YAP1: variants seen among roughly 807,000 people sequenced by gnomAD.
YAP1 encodes Yes1 associated transcriptional regulator.
Under a neutral mutation model 56.9 loss-of-function variants are expected in YAP1, and 5 were observed. The ratio of observed to expected loss-of-function variants is 0.09; its 90% CI spans 0.05 to 0.18. The LOEUF (loss-of-function observed/expected upper bound fraction) is 0.18, where lower values mean the gene tolerates loss of function less well. Among genes scored for constraint, YAP1 ranks in the 10% least tolerant of loss-of-function variants. The pLI is 1.00. For synonymous variants in YAP1, 265 were observed against 248.1 expected (o/e 1.07, Z -0.64); for missense variants, 539 against 651.8 (o/e 0.83, Z 1.88).
intron 2 of YAP1, among the ~76,000 whole-genome samples, chr11:102,149,052 A>G (rs1346986225): frequency 1.3e-5 from 2 of 152,068 alleles, no homozygotes; most frequent in African/African-American, 2.4e-5. Context: ...ATGTGTTGCT[A>G]TGTAGTTTTT....
intron 4 of YAP1, among the ~76,000 whole-genome samples, chr11:102,190,943 G>A (rs764069653): frequency 2.6e-5 from 4 of 151,688 alleles, no homozygotes; most frequent in South Asian, 2.1e-4. Flanking sequence ...CTCAAAAGCC[G>A]AGGCTGATGG....
intron 2 of YAP1, among the ~76,000 whole-genome samples, chr11:102,120,925 T>TA (rs1943609183): frequency 6.6e-6 from 1 of 152,230 alleles, no homozygotes; most frequent in Non-Finnish European, 1.5e-5. Flanking sequence ...AAAAAGTACA[T>TA]ACGCTGCCAC....
Position 102,174,339 on chromosome 11 carries a change from C to T in YAP1, c.689-11679C>T, listed in dbSNP as rs557093509. ...ACAGGCCGGGTGTGGTGGCTGATCA[C>T]GCCACTCCCAGCACTTTGGGAGGCC... On this transcript the variant is annotated intron_variant, in intron 3 of 8. Coordinates refer to ENST00000282441, the MANE Select transcript of YAP1 (RefSeq NM_001130145.3). Among the ~76,000 whole-genome samples, 7 of 152,190 alleles carry T rather than the reference C, an allele frequency of 4.6e-5. No individual in the cohort carries two copies. The East Asian group carries it at 1.2e-3, about 25-fold the overall frequency.
At chr11:102,146,147 C>A (rs1234217069) in intron 2 of YAP1, among the ~76,000 whole-genome samples, 1 of 152,146 alleles carries the variant, frequency 6.6e-6, no homozygotes, top group Non-Finnish European at 1.5e-5. Flanking sequence ...AGCCTGGCCC[C>A]ATATCACCTT....
chr11:102,210,184 C>T (rs1949327215), intron 6 of YAP1, among the ~76,000 whole-genome samples: 1 of 152,202 alleles, frequency 6.6e-6, no homozygotes, highest in African/African-American at 2.4e-5. Flanking sequence ...TTTCTTCTAA[C>T]ACAGGCACTT....
chr11:102,169,225 A>G (rs1192737908), intron 3 of YAP1, among the ~76,000 whole-genome samples: 3 of 152,216 alleles, frequency 2.0e-5, no homozygotes, highest in Admixed American at 6.5e-5. Context: ...AAAATGTATT[A>G]TTAATAGTGT....
chr11:102,170,228 T>C (rs1946829111), intron 3 of YAP1, among the ~76,000 whole-genome samples: 1 of 152,232 alleles, frequency 6.6e-6, no homozygotes, highest in Non-Finnish European at 1.5e-5. Flanking sequence ...CAGTCATGAT[T>C]TTTACAGTAT....
intron 6 of YAP1, among the ~76,000 whole-genome samples, chr11:102,221,933 C>T (rs1037810727): frequency 1.3e-5 from 2 of 151,008 alleles, no homozygotes; most frequent in Non-Finnish European, 2.9e-5. Flanking sequence ...ACAAATTTAG[C>T]GAAAGTTAAT....
At chr11:102,179,043 C>T (rs1219352510) in intron 3 of YAP1, among the ~76,000 whole-genome samples, 2 of 139,976 alleles carry the variant, frequency 1.4e-5, no homozygotes, top group East Asian at 4.9e-4. Flanking sequence ...TGAGGTACCC[C>T]ACCCCCCACC....
At chr11:102,198,495 C>T (rs923663400) in intron 4 of YAP1, among the ~76,000 whole-genome samples, 5 of 152,128 alleles carry the variant, frequency 3.3e-5, no homozygotes, top group African/African-American at 9.7e-5. Context: ...AGCTCAAAAG[C>T]TTATCCAAAT....
intron 2 of YAP1, among the ~76,000 whole-genome samples, chr11:102,138,083 C>T (rs1423174166): frequency 3.9e-5 from 6 of 152,126 alleles, no homozygotes; most frequent in Non-Finnish European, 7.4e-5. Context: ...GACAGGGTTT[C>T]GCCATGTTGG....
At chr11:102,132,509 T>G (rs966114952) in intron 2 of YAP1, among the ~76,000 whole-genome samples, 3 of 152,238 alleles carry the variant, frequency 2.0e-5, no homozygotes, top group African/African-American at 7.2e-5. Context: ...TTGAGACAGA[T>G]TGTTTCAAAG....
intron 6 of YAP1, among the ~76,000 whole-genome samples, chr11:102,218,161 A>C (rs1424529198): frequency 6.6e-6 from 1 of 152,248 alleles, no homozygotes; most frequent in Non-Finnish European, 1.5e-5. Flanking sequence ...AAAAGTTTCA[A>C]AACTCAGCTG....
At chr11:102,183,054 C>A (rs749534976) in intron 3 of YAP1, among the ~76,000 whole-genome samples, 1 of 152,188 alleles carries the variant, frequency 6.6e-6, no homozygotes, top group African/African-American at 2.4e-5. Context: ...ATGACTTGAT[C>A]ATTGCCAGGA....
At chr11:102,227,696 G>A (rs775407760) in intron 8 of YAP1, 115 bp downstream of exon 8, 5 of 702,780 alleles carry the variant, frequency 7.1e-6, no homozygotes, top group African/African-American at 1.8e-5. Context: ...TTAAAATCCT[G>A]TAAATTTGAA....
rs114516987 is a variant in YAP1, at chr11:102,111,968, T to C, written c.321+799T>C. Among the ~76,000 whole-genome samples, 1,491 of 152,302 alleles carry C rather than the reference T, an allele frequency of 9.8e-3. 33 individuals carry two copies. The highest frequency in any genetic ancestry group is 0.034 in the African/African-American group (1,421 of 41,558). ...TCACCCCTGCTCTTCCCTTGTGTGT[T>C]GGAACTTGGGCCGGCTTGCTCTTAT... is the stretch of plus-strand genomic sequence containing the variant. On this transcript the variant is annotated intron_variant, in intron 1 of 8. Coordinates refer to ENST00000282441, the MANE Select transcript of YAP1 (RefSeq NM_001130145.3).
At chr11:102,118,750 CAAA>C (rs11384976) in intron 2 of YAP1, among the ~76,000 whole-genome samples, 2 of 137,952 alleles carry the variant, frequency 1.4e-5, no homozygotes, top group Admixed American at 7.1e-5. Context: ...GACTCTATCT[CAAA>C]AAAAAAAAAG....
At chr11:102,130,709 G>A (rs1470944958) in intron 2 of YAP1, among the ~76,000 whole-genome samples, 1 of 140,910 alleles carries the variant, frequency 7.1e-6, no homozygotes, top group East Asian at 2.1e-4. Flanking sequence ...GACCTCTCCT[G>A]GATAACTACT....
chr11:102,208,498 A>G (rs961462378), intron 5 of YAP1, among the ~76,000 whole-genome samples: 7 of 152,182 alleles, frequency 4.6e-5, no homozygotes, highest in Non-Finnish European at 1.0e-4. Flanking sequence ...ATCTGACATA[A>G]AAAAGGATGG....
Sources: gnomAD v4.1 joint callset for allele counts (sites outside exome capture counted in the v4.1 genomes callset) on GRCh38, gnomAD v4.1.1 for gene constraint, MANE v1.5 for transcripts, NCBI Gene and HGNC (gene_info 2026-07-23, HGNC 2026-07-21) for gene names.